The following GABRA2 variants were observed in gnomAD, a reference collection of about 807,000 sequenced individuals.
GABRA2 encodes the protein gamma-aminobutyric acid receptor subunit alpha-2.
Under a neutral mutation model 48.7 loss-of-function variants are expected in GABRA2, and 16 were observed. That is an observed-to-expected ratio of 0.33 (90% CI 0.22 to 0.50). The LOEUF (loss-of-function observed/expected upper bound fraction) is 0.50. GABRA2 is among the 20% of genes least tolerant of loss of function. The pLI is 0.98. For synonymous variants in GABRA2, 185 were observed against 184.5 expected, an observed-to-expected ratio of 1.00 and a Z score of -0.02; for missense variants, 275 against 535.6, an observed-to-expected ratio of 0.51 and a Z score of 4.80.
At chr4:46,260,656 G>T (rs1213879575) in intron 9 of GABRA2, 3 of 151,706 alleles carry the variant, frequency 2.0e-5, no homozygotes, top group Non-Finnish European at 4.4e-5. Flanking sequence ...AAAAATAATT[G>T]CATAGATACC....
At position 46,333,548 on chromosome 4, in the gene GABRA2, A is replaced by G. The variant is rs549174807; in HGVS notation, c.188-866T>C. 8.4e-4 allele frequency among the ~76,000 whole-genome samples: 128 copies of G among 152,216 alleles called. 3 individuals are homozygous for G. In the South Asian group the frequency reaches 0.025, roughly 29 times the overall value. On this transcript the variant is annotated intron_variant, in intron 3 of 9. Transcript: ENST00000381620. ...TTTGTAATTCTACACAAACAATAAC[A>G]TGAATTGTTTTTTGTATTATACTAG...
chr4:46,258,475 G>A (rs1021640331), intron 9 of GABRA2, among the ~76,000 whole-genome samples: 7 of 151,914 alleles, frequency 4.6e-5, no homozygotes, highest in South Asian at 4.1e-4. Context: ...TAGTGTTGCA[G>A]ATATTCATGC....
At chr4:46,346,095 C>T (rs1292557183) in intron 3 of GABRA2, among the ~76,000 whole-genome samples, 3 of 151,954 alleles carry the variant, frequency 2.0e-5, no homozygotes, top group South Asian at 2.1e-4. Flanking sequence ...AAAGACATTT[C>T]GCTTTCTGGG....
chr4:46,318,796 G>A (rs542790352), intron 4 of GABRA2, among the ~76,000 whole-genome samples: 6 of 151,620 alleles, frequency 4.0e-5, no homozygotes, highest in South Asian at 4.1e-4. Context: ...ACAAAAAACC[G>A]CAAGGATATA....
intron 9 of GABRA2, among the ~76,000 whole-genome samples, chr4:46,257,104 C>T (rs1312282353): frequency 6.6e-6 from 1 of 151,572 alleles, no homozygotes; most frequent in Non-Finnish European, 1.5e-5. Context: ...ATATTGCCCA[C>T]TCAGATCTTG....
chr4:46,348,803 A>G (rs1476030614), intron 3 of GABRA2, among the ~76,000 whole-genome samples: 1 of 150,524 alleles, frequency 6.6e-6, no homozygotes, highest in African/African-American at 2.4e-5. Flanking sequence ...GAGGGATAGC[A>G]TTAGGAGATA....
At position 46,330,595 on chromosome 4, in the gene GABRA2, G is replaced by T. The variant is rs913970885; in HGVS notation, c.255+2020C>A. On this transcript the variant is annotated intron_variant, in intron 4 of 9. Coordinates refer to ENST00000381620, the MANE Select transcript of GABRA2 (RefSeq NM_000807.4). ...ATATATATATATATATATATATAGA[G>T]AGAGAGAGAGAGAGATGTTTTAGGT... Among the ~76,000 whole-genome samples the T allele has an allele frequency of 9.3e-5, 13 of 140,262 alleles. 1 individual carries two copies. The East Asian group carries it at 2.8e-3, about 30-fold the overall frequency. The allele number at this position is 140,262 out of a possible 152,430, so 92.0% of individuals were successfully genotyped here.
At chr4:46,376,837 CT>C (rs1715788561) in intron 3 of GABRA2, among the ~76,000 whole-genome samples, 1 of 151,974 alleles carries the variant, frequency 6.6e-6, no homozygotes, top group Non-Finnish European at 1.5e-5. Context: ...CTGGACGGTA[CT>C]GCTGCCTGAT....
In GABRA2 at chr4:46,273,090, C is replaced by T. The variant is rs1290512019; in HGVS notation, c.857-10962G>A. Among the ~76,000 whole-genome samples, 4 of 149,670 alleles carry T rather than the reference C, an allele frequency of 2.7e-5. No individual in the cohort carries two copies. In the East Asian group the frequency reaches 6.0e-4, roughly 22 times the overall value. Reference sequence around the variant, plus strand: ...AATTTAAACAGTGTAGTGGCATGATCAGTATTTCTTATTTAAAATATTACT... The same window carrying T: ...AATTTAAACAGTGTAGTGGCATGATTAGTATTTCTTATTTAAAATATTACT... On this transcript the variant is annotated intron_variant, in intron 8 of 9. Transcript: ENST00000381620.
chr4:46,321,285 G>A (rs1729410474), intron 4 of GABRA2, among the ~76,000 whole-genome samples: 1 of 151,816 alleles, frequency 6.6e-6, no homozygotes, highest in African/African-American at 2.4e-5. Flanking sequence ...ATAAAGCTTA[G>A]ATACATAGGA....
At chr4:46,361,477 G>T (rs571837114) in intron 3 of GABRA2, among the ~76,000 whole-genome samples, 1 of 152,262 alleles carries the variant, frequency 6.6e-6, no homozygotes, top group Non-Finnish European at 1.5e-5. Context: ...GGATTTCAAA[G>T]GATGTATGGA....
chr4:46,346,566 C>A (rs941954715), intron 3 of GABRA2, among the ~76,000 whole-genome samples: 1 of 149,574 alleles, frequency 6.7e-6, no homozygotes, highest in Admixed American at 6.7e-5. Flanking sequence ...GCTTTTAAAA[C>A]GTGTTGCATA....
intron 3 of GABRA2, among the ~76,000 whole-genome samples, chr4:46,360,170 G>C (rs1275988686): frequency 6.6e-6 from 1 of 152,080 alleles, no homozygotes; most frequent in Non-Finnish European, 1.5e-5. Flanking sequence ...TGGTATCACA[G>C]GTATATACAT....
chr4:46,273,520 T>TGC (rs1478033764), intron 8 of GABRA2, among the ~76,000 whole-genome samples: 5 of 38,994 alleles, frequency 1.3e-4, no homozygotes, highest in African/African-American at 3.4e-4. Flanking sequence ...TATATATATA[T>TGC]ATATATATAT....
At chr4:46,254,277 G>A (rs772696152) in intron 9 of GABRA2, among the ~76,000 whole-genome samples, 3 of 151,448 alleles carry the variant, frequency 2.0e-5, no homozygotes, top group African/African-American at 4.8e-5. Context: ...TGGGCCACAT[G>A]ACTGATTTTA....
intron 3 of GABRA2, among the ~76,000 whole-genome samples, chr4:46,333,850 T>C (rs1731770690): frequency 6.6e-6 from 1 of 152,100 alleles, no homozygotes; most frequent in South Asian, 2.1e-4. Context: ...CAATGATTTA[T>C]AACCCAAGCA....
chr4:46,306,503 A>T (rs1226593713), intron 6 of GABRA2, among the ~76,000 whole-genome samples: 1 of 152,188 alleles, frequency 6.6e-6, no homozygotes, highest in Non-Finnish European at 1.5e-5. Context: ...GCATTTTCTT[A>T]CATCTCTATG....
At chr4:46,379,220 C>T (rs1716417891) in intron 3 of GABRA2, among the ~76,000 whole-genome samples, 1 of 152,172 alleles carries the variant, frequency 6.6e-6, no homozygotes, top group Admixed American at 6.5e-5. Context: ...CTAGTTTAAC[C>T]TAGCATGCAC....
intron 3 of GABRA2, among the ~76,000 whole-genome samples, chr4:46,353,644 G>A (rs1380381242): frequency 1.3e-5 from 2 of 151,886 alleles, no homozygotes; most frequent in Admixed American, 6.6e-5. Context: ...CTTCCCTATT[G>A]TAGAATGCTA....
Sources: gnomAD v4.1 joint callset for allele counts (sites outside exome capture counted in the v4.1 genomes callset) on GRCh38, gnomAD v4.1.1 for gene constraint, MANE v1.5 for transcripts, NCBI Gene and HGNC (gene_info 2026-07-23, HGNC 2026-07-21) for gene names.